NUDCD1: variants seen among roughly 807,000 people sequenced by gnomAD.
The protein encoded by NUDCD1 is NudC domain containing 1.
NUDCD1 carries 60 observed loss-of-function variants against 67.8 expected under a neutral mutation model. The ratio of observed to expected loss-of-function variants is 0.88; its 90% confidence interval spans 0.72 to 1.10. The LOEUF is 1.10. NUDCD1 is among the 50% of genes least tolerant of loss of function. The probability of loss-of-function intolerance (pLI) is 0.00; values close to 1 mark genes in which losing one functional copy is unlikely to be tolerated. For missense variants in NUDCD1, 643 were observed against 695.0 expected, an observed-to-expected ratio of 0.93 and a Z score of 0.84; for synonymous variants, 244 against 230.8, an observed-to-expected ratio of 1.06 and a Z score of -0.52.
chr8:109,320,370 C>G (rs1306147117), intron 2 of NUDCD1, among the ~76,000 whole-genome samples: 1 of 152,256 alleles, frequency 6.6e-6, no homozygotes, highest in East Asian at 1.9e-4. Context: ...ATGTTCCATG[C>G]TGAGAAAAAG....
At chr8:109,275,604 T>C in intron 6 of NUDCD1, 108 bp from the exon 7 acceptor site, 2 of 1,035,448 alleles carry the variant, frequency 1.9e-6, no homozygotes, top group Non-Finnish European at 2.8e-6. Context: ...AACCCTCCGG[T>C]GTCCAGAGGA....
intron 6 of NUDCD1, among the ~76,000 whole-genome samples, chr8:109,279,451 T>C (rs986478148): frequency 6.6e-6 from 1 of 152,108 alleles, no homozygotes; most frequent in Middle Eastern, 3.2e-3. Flanking sequence ...ATTGGCTTAT[T>C]ATGAATTTGT....
intron 8 of NUDCD1, among the ~76,000 whole-genome samples, chr8:109,248,259 A>G (rs1813544178): frequency 6.6e-6 from 1 of 152,136 alleles, no homozygotes; most frequent in Non-Finnish European, 1.5e-5. Context: ...CCTACAAACC[A>G]CTTTAGGACT....
intron 8 of NUDCD1, among the ~76,000 whole-genome samples, chr8:109,262,204 C>T (rs893609774): frequency 2.0e-5 from 3 of 152,164 alleles, no homozygotes; most frequent in Non-Finnish European, 4.4e-5. Flanking sequence ...GTTTTGAAAG[C>T]GGAGATACTG....
chr8:109,324,815 C>T (rs1456879869), intron 1 of NUDCD1, among the ~76,000 whole-genome samples: 2 of 152,104 alleles, frequency 1.3e-5, no homozygotes, highest in South Asian at 2.1e-4. Flanking sequence ...GGCCGGGCGC[C>T]GAGGCTCAGG....
At chr8:109,324,097 G>C (rs1157203785) in intron 1 of NUDCD1, among the ~76,000 whole-genome samples, 2 of 151,650 alleles carry the variant, frequency 1.3e-5, no homozygotes, top group Non-Finnish European at 2.9e-5. Context: ...ACCTTCTGCA[G>C]AGCAAAAGAA....
rs961552372 is a variant in NUDCD1, at chr8:109,322,576, C to T, written c.119-113G>A. On this transcript the variant is annotated intron_variant, in intron 1 of 9. Transcript: ENST00000239690. ...AATCACAGAATGCCAATCACAAAGGCCTTCAGGACAATTCAGTATATCATT... is the reference window on the plus strand; with the variant it reads ...AATCACAGAATGCCAATCACAAAGGTCTTCAGGACAATTCAGTATATCATT... The T allele has an allele frequency of 1.3e-5, 9 of 685,256 alleles. No homozygotes were observed. The Admixed American group carries it at 2.4e-4, about 18-fold the overall frequency. The allele number at this position is 685,256 out of a possible 1,614,324, so 42.4% of individuals were successfully genotyped here.
intron 2 of NUDCD1, among the ~76,000 whole-genome samples, chr8:109,306,731 A>C (rs1437771030): frequency 6.7e-6 from 1 of 149,310 alleles, no homozygotes; most frequent in Non-Finnish European, 1.5e-5. Flanking sequence ...TCTTTTATTC[A>C]GAGCTTGTGT....
At chr8:109,321,490 AAATTAAATCG>A (rs1312216766) in intron 2 of NUDCD1, among the ~76,000 whole-genome samples, 1 of 152,032 alleles carries the variant, frequency 6.6e-6, no homozygotes, top group African/African-American at 2.4e-5. Flanking sequence ...CCAAAAGAGG[AAATTAAATCG>A]AGTTCTAAGG....
intron 1 of NUDCD1, among the ~76,000 whole-genome samples, chr8:109,332,093 G>T (rs1423748299): frequency 6.6e-6 from 1 of 152,132 alleles, no homozygotes; most frequent in Non-Finnish European, 1.5e-5. Flanking sequence ...CCAAGCACTA[G>T]ATATAGGGTA....
At chr8:109,303,313 C>A (rs1199566696) in intron 2 of NUDCD1, among the ~76,000 whole-genome samples, 6 of 152,194 alleles carry the variant, frequency 3.9e-5, no homozygotes. Flanking sequence ...TGGAAGCCTA[C>A]AGGACCATCA....
intron 8 of NUDCD1, among the ~76,000 whole-genome samples, chr8:109,257,980 A>T (rs1298306615): frequency 6.6e-6 from 1 of 152,108 alleles, no homozygotes; most frequent in Non-Finnish European, 1.5e-5. Context: ...TACTCTCATA[A>T]TGACATATTT....
At chr8:109,325,063 C>A (rs1475582497) in intron 1 of NUDCD1, among the ~76,000 whole-genome samples, 1 of 152,108 alleles carries the variant, frequency 6.6e-6, no homozygotes, top group African/African-American at 2.4e-5. Flanking sequence ...GCACTCCAGC[C>A]TGGGACAGAG....
At chr8:109,323,156 G>A (rs16879306) in intron 1 of NUDCD1, among the ~76,000 whole-genome samples, 10,897 of 152,134 alleles carry the variant, frequency 0.072, 1,268 homozygotes, top group African/African-American at 0.24. Flanking sequence ...TCATGGCTCA[G>A]AACTGCTCAT....
chr8:109,287,532 G>A (rs776595482), intron 5 of NUDCD1, among the ~76,000 whole-genome samples: 8 of 152,074 alleles, frequency 5.3e-5, no homozygotes, highest in Non-Finnish European at 8.8e-5. Flanking sequence ...GCAGATTAGT[G>A]CAGGAACAGA....
intron 5 of NUDCD1, among the ~76,000 whole-genome samples, chr8:109,281,969 T>C (rs1814449874): frequency 3.3e-5 from 5 of 152,188 alleles, no homozygotes; most frequent in Admixed American, 3.3e-4. Flanking sequence ...TCCAGGCACC[T>C]GGAGCTCTCC....
intron 8 of NUDCD1, among the ~76,000 whole-genome samples, chr8:109,256,787 T>C (rs1813750502): frequency 6.6e-6 from 1 of 151,834 alleles, no homozygotes; most frequent in Non-Finnish European, 1.5e-5. Flanking sequence ...ATCTTTTATG[T>C]AGTATTCCTG....
intron 5 of NUDCD1, among the ~76,000 whole-genome samples, chr8:109,284,905 A>C (rs1186781175): frequency 6.6e-6 from 1 of 152,038 alleles, no homozygotes; most frequent in Non-Finnish European, 1.5e-5. Context: ...AAGGATAAAC[A>C]AGATCAATAG....
rs569004518 is a variant in NUDCD1 at position 109,306,487 on chromosome 8, T to TA, written c.274-9919dup. Among the ~76,000 whole-genome samples the TA allele has an allele frequency of 2.4e-3, 367 of 150,302 alleles. 6 individuals carry two copies. The South Asian group carries it at 0.031, about 13-fold the overall frequency. Reference sequence around the variant, plus strand: ...GCCAAGGCCTCTATTTACTCACTGCTAAAAAAAAAGTGGGAATCTGTATAT... The same window carrying TA: ...GCCAAGGCCTCTATTTACTCACTGCTAAAAAAAAAAGTGGGAATCTGTATAT... On this transcript the variant is annotated intron_variant, in intron 2 of 9. Coordinates refer to ENST00000239690, the MANE Select transcript of NUDCD1 (RefSeq NM_032869.4).
Sources: gnomAD v4.1 joint callset for allele counts (sites outside exome capture counted in the v4.1 genomes callset) on GRCh38, gnomAD v4.1.1 for gene constraint, MANE v1.5 for transcripts, NCBI Gene and HGNC (gene_info 2026-07-23, HGNC 2026-07-21) for gene names.